The following ABCB5 variants were observed in gnomAD, a reference collection of about 807,000 sequenced individuals.
The protein encoded by ABCB5 is ATP-binding cassette sub-family B member 5.
ABCB5 carries 155 observed loss-of-function variants against 144.2 expected under a neutral mutation model. That is an observed-to-expected ratio of 1.08 (90% CI 0.94 to 1.23). The LOEUF is 1.23. Ranked by LOEUF, ABCB5 falls within the 50% of genes most tolerant of loss-of-function variation. ABCB5 has a pLI of 0.00. For missense variants in ABCB5, 1,830 were observed against 1,520.8 expected (o/e 1.20, Z -3.38); for synonymous variants, 610 against 528.6 (o/e 1.15, Z -2.11).
chr7:20,749,719 A>G (rs1782857437), intron 26 of ABCB5, among the ~76,000 whole-genome samples: 1 of 152,192 alleles, frequency 6.6e-6, no homozygotes, highest in Non-Finnish European at 1.5e-5. Context: ...AAGGTAAACA[A>G]ACTTCCATCT....
At chr7:20,732,996 G>C (rs913546811) in intron 23 of ABCB5, among the ~76,000 whole-genome samples, 1 of 152,066 alleles carries the variant, frequency 6.6e-6, no homozygotes, top group Non-Finnish European at 1.5e-5. Flanking sequence ...TTAAGTATTT[G>C]CTGTATATTA....
At chr7:20,727,598 G>A (rs1043900677) in intron 22 of ABCB5, among the ~76,000 whole-genome samples, 3 of 152,030 alleles carry the variant, frequency 2.0e-5, no homozygotes, top group Non-Finnish European at 4.4e-5. Flanking sequence ...AGCTGGGTGT[G>A]GTGGTGCACA....
At chr7:20,703,446 A>G (rs927923334) in intron 19 of ABCB5, among the ~76,000 whole-genome samples, 1 of 152,208 alleles carries the variant, frequency 6.6e-6, no homozygotes, top group Admixed American at 6.5e-5. Context: ...CCTTCCCAAC[A>G]CAGTGGCTCA....
Position 20,742,932 on chromosome 7 carries a change from G to A in ABCB5, c.3080G>A (p.Arg1027His), listed in dbSNP as rs745749100. 46 of 1,614,090 alleles carry A rather than the reference G, an allele frequency of 2.8e-5. No homozygotes were observed. Among genetic ancestry groups the A allele is most frequent in the East Asian group, 1.1e-4 (5 of 44,874 alleles). ...FREVSFFYPC[R>H]PDVFILRGLS... ...GAAGTCTCTTTCTTCTATCCATGTC[G>A]CCCAGATGTTTTCATCCTCCGTGGC... The change falls in exon 25 of 28, where the codon CGC becomes CAC. Residue 1027 changes from arginine (R) to histidine (H), a missense_variant. Physicochemically the swap from Arg to His is conservative, Grantham distance 29. Transcript: ENST00000404938.
At chr7:20,659,926 C>T (rs752363689) in intron 14 of ABCB5, 20 of 967,276 alleles carry the variant, frequency 2.1e-5, no homozygotes, top group Admixed American at 6.1e-5. Flanking sequence ...TCAGGTGATC[C>T]GCCCACCTCG....
At chr7:20,664,013 G>GTCA (rs1665244275) in intron 14 of ABCB5, among the ~76,000 whole-genome samples, 1 of 143,972 alleles carries the variant, frequency 6.9e-6, no homozygotes, top group Non-Finnish European at 1.5e-5. Flanking sequence ...ACTGCGCCCA[G>GTCA]TCAGGCAATT....
At chr7:20,667,018 C>A in intron 14 of ABCB5, 1 of 644,040 alleles carries the variant, frequency 1.6e-6, no homozygotes, top group Non-Finnish European at 2.2e-6. Flanking sequence ...GGTTTTAGGT[C>A]ACATGAATGA....
intron 5 of ABCB5, among the ~76,000 whole-genome samples, chr7:20,632,709 T>G (rs1406594360): frequency 6.6e-6 from 1 of 152,022 alleles, no homozygotes; most frequent in African/African-American, 2.4e-5. Context: ...ATGTCCTTTG[T>G]AGGGACATGG....
At chr7:20,676,008 A>T (rs1462951048) in intron 14 of ABCB5, among the ~76,000 whole-genome samples, 1 of 133,518 alleles carries the variant, frequency 7.5e-6, no homozygotes, top group African/African-American at 2.5e-5. Context: ...GTTAAAAAAT[A>T]AATAAATAAA....
At chr7:20,661,040 G>C (rs1784986700) in intron 14 of ABCB5, among the ~76,000 whole-genome samples, 1 of 152,214 alleles carries the variant, frequency 6.6e-6, no homozygotes, top group South Asian at 2.1e-4. Context: ...TATTGCAGTA[G>C]CTAACTCTGC....
chr7:20,716,122 A>G (rs1457959562), intron 20 of ABCB5, among the ~76,000 whole-genome samples: 1 of 152,212 alleles, frequency 6.6e-6, no homozygotes. Flanking sequence ...ATCCAAACAG[A>G]AAAGAATAAC....
intron 16 of ABCB5, among the ~76,000 whole-genome samples, chr7:20,692,854 A>G (rs538136712): frequency 1.3e-5 from 2 of 152,304 alleles, no homozygotes; most frequent in South Asian, 4.1e-4. Flanking sequence ...AGGGATAAAG[A>G]AGTTTCTTTC....
intron 23 of ABCB5, among the ~76,000 whole-genome samples, chr7:20,733,205 T>C (rs1487594426): frequency 6.6e-6 from 1 of 152,044 alleles, no homozygotes; most frequent in African/African-American, 2.4e-5. Context: ...ATTATTATTA[T>C]TACAAATTCT....
chr7:20,641,256 T>C (rs1784288620), intron 5 of ABCB5, among the ~76,000 whole-genome samples: 1 of 152,174 alleles, frequency 6.6e-6, no homozygotes, highest in South Asian at 2.1e-4. Flanking sequence ...TAAGAAGTTA[T>C]TCTTGATTTC....
At chr7:20,620,018 C>T (rs1423247197) in intron 1 of ABCB5, among the ~76,000 whole-genome samples, 2 of 152,090 alleles carry the variant, frequency 1.3e-5, no homozygotes. Flanking sequence ...GAATTCTGTT[C>T]CATTGATCTG....
In ABCB5 at chr7:20,727,125, T is replaced by C. The variant is rs759387862; in HGVS notation, c.2711T>C (p.Leu904Pro). Residue 904 changes from leucine (L) to proline (P), a missense_variant, in exon 22 of 28, where the codon CTT becomes CCT. Transcript: ENST00000404938. ...KAFEQMYEEM[L>P]QTQHRNTSKK... ...TTCGAGCAAATGTATGAAGAGATGC[T>C]TCAGACTCAACACAGGTGATTATAG... 2 of 1,613,306 alleles carry C rather than the reference T, an allele frequency of 1.2e-6. No homozygotes were observed. Among genetic ancestry groups the C allele is most frequent in the South Asian group, 1.1e-5 (1 of 91,024 alleles).
At chr7:20,681,066 T>C (rs536132739) in intron 14 of ABCB5, among the ~76,000 whole-genome samples, 1,130 of 11,736 alleles carry the variant, frequency 0.096, 104 homozygotes, top group African/African-American at 0.33. Flanking sequence ...CTCTCTTTCT[T>C]TCTTTCTTTC....
chr7:20,739,261 C>T (rs1342899563), intron 24 of ABCB5, 122 bp downstream of exon 24: 14 of 987,984 alleles, frequency 1.4e-5, no homozygotes, highest in Non-Finnish European at 2.0e-5. Flanking sequence ...GTGCTATACT[C>T]AGTACCTGTG....
In ABCB5 at chr7:20,647,287, A is replaced by G. The variant is rs756885; in HGVS notation, c.982-248A>G. ...ATAACCACAAGACTATGAGATAATC[A>G]AAAGTTGTTCCTTATTAGGAAAAGG... is the stretch of plus-strand genomic sequence containing the variant. On this transcript the variant is annotated intron_variant, in intron 9 of 27. Transcript: ENST00000404938. 0.022 allele frequency: 27,595 copies of G among 1,236,082 alleles called. 4,099 individuals carry two copies. The African/African-American group carries it at 0.35, about 16-fold the overall frequency. The allele number at this position is 1,236,082 out of a possible 1,614,324, so 76.6% of individuals were successfully genotyped here. A position where few individuals can be genotyped will look rare whatever the true frequency, so the allele number is the denominator to read the frequency against.
Sources: allele counts gnomAD v4.1 joint callset (sites outside exome capture counted in the v4.1 genomes callset), GRCh38; gene constraint gnomAD v4.1.1; transcripts MANE v1.5; gene names NCBI Gene and HGNC (gene_info 2026-07-23, HGNC 2026-07-21).